Variants in ADAMTS3 observed in about 807,000 individuals in gnomAD.
The protein encoded by ADAMTS3 is A disintegrin and metalloproteinase with thrombospondin motifs 3.
In ADAMTS3, 73 loss-of-function variants were observed where a neutral mutation model predicts 129.0. The ratio of observed to expected loss-of-function variants is 0.57; its 90% confidence interval spans 0.47 to 0.69. The LOEUF is 0.69. Ranked by LOEUF, ADAMTS3 falls within the 30% of genes least tolerant of loss-of-function variation. ADAMTS3 has a pLI of 0.00. For synonymous variants in ADAMTS3, 477 were observed against 510.8 expected, an observed-to-expected ratio of 0.93 and a Z score of 0.89; for missense variants, 1,457 against 1,514.5, an observed-to-expected ratio of 0.96 and a Z score of 0.63.
Position 72,550,096 on chromosome 4 carries a change from A to G in ADAMTS3, c.98-1212T>C, listed in dbSNP as rs1339502158. ...AAGAGGAAGAGGAAGAAGAAGAAGA[A>G]GAAGAAGAAGAAGAAGAAGAAGGCA... is the stretch of plus-strand genomic sequence containing the variant. On this transcript the variant is annotated intron_variant, in intron 2 of 21. Coordinates refer to ENST00000286657, the MANE Select transcript of ADAMTS3 (RefSeq NM_014243.3). Among the ~76,000 whole-genome samples the G allele has an allele frequency of 9.8e-5, 13 of 133,002 alleles. 3 individuals carry two copies. The highest frequency in any genetic ancestry group is 2.7e-4 in the South Asian group (1 of 3,688). The allele number at this position is 133,002 out of a possible 152,430, so 87.3% of individuals were successfully genotyped here.
intron 3 of ADAMTS3, among the ~76,000 whole-genome samples, chr4:72,482,124 T>A (rs1719453144): frequency 6.6e-6 from 1 of 151,976 alleles, no homozygotes; most frequent in African/African-American, 2.4e-5. Context: ...CACTCAATTA[T>A]CATACAATCC....
intron 3 of ADAMTS3, among the ~76,000 whole-genome samples, chr4:72,419,910 G>T (rs549022945): frequency 2.0e-3 from 306 of 152,212 alleles, no homozygotes; most frequent in Non-Finnish European, 3.4e-3. Context: ...ATGTTGATCG[G>T]ATGGACTAGA....
chr4:72,434,009 C>T (rs958406758), intron 3 of ADAMTS3, among the ~76,000 whole-genome samples: 1 of 151,644 alleles, frequency 6.6e-6, no homozygotes, highest in Admixed American at 6.6e-5. Flanking sequence ...AGTAGCTGAC[C>T]AATAGCTGGT....
At chr4:72,323,252 T>C (rs1719611699) in intron 5 of ADAMTS3, 155 bp from the exon 6 acceptor site, 1 of 634,064 alleles carries the variant, frequency 1.6e-6, no homozygotes, top group Non-Finnish European at 2.8e-6. Context: ...TCATTTACTT[T>C]TAGCTTTGGT....
At chr4:72,463,548 C>G (rs1718831034) in intron 3 of ADAMTS3, among the ~76,000 whole-genome samples, 4 of 151,916 alleles carry the variant, frequency 2.6e-5, no homozygotes, top group Admixed American at 2.6e-4. Flanking sequence ...CTTTCCACAG[C>G]TCCTCCAATT....
intron 4 of ADAMTS3, among the ~76,000 whole-genome samples, chr4:72,353,487 C>G (rs2109846931): frequency 6.6e-6 from 1 of 152,062 alleles, no homozygotes; most frequent in Non-Finnish European, 1.5e-5. Context: ...GGTGCAGTTT[C>G]AGTTGTAGCT....
At chr4:72,307,518 T>G (rs942323720) in intron 15 of ADAMTS3, among the ~76,000 whole-genome samples, 2 of 152,052 alleles carry the variant, frequency 1.3e-5, no homozygotes, top group African/African-American at 4.8e-5. Flanking sequence ...ATGTCTTTAA[T>G]TAGTGGAGGG....
chr4:72,395,776 T>A (rs1158201404), intron 4 of ADAMTS3, among the ~76,000 whole-genome samples: 2 of 152,098 alleles, frequency 1.3e-5, no homozygotes, highest in African/African-American at 2.4e-5. Flanking sequence ...ATACATAGGA[T>A]GCATGTTCCA....
At chr4:72,556,064 T>C (rs1314918758) in intron 2 of ADAMTS3, among the ~76,000 whole-genome samples, 2 of 151,836 alleles carry the variant, frequency 1.3e-5, no homozygotes, top group East Asian at 3.9e-4. Context: ...CCGCAATTAC[T>C]TTTGCACCAA....
At chr4:72,438,841 A>G (rs993563445) in intron 3 of ADAMTS3, among the ~76,000 whole-genome samples, 2 of 151,682 alleles carry the variant, frequency 1.3e-5, no homozygotes, top group African/African-American at 4.8e-5. Context: ...TCTGCACTAC[A>G]TTTTGAGAAC....
chr4:72,320,274 G>A (rs980965364), intron 7 of ADAMTS3, among the ~76,000 whole-genome samples: 2 of 152,158 alleles, frequency 1.3e-5, no homozygotes, highest in Admixed American at 1.3e-4. Context: ...TGGTACTGAT[G>A]AAGGAAGCCA....
At chr4:72,445,964 T>C (rs1718242359) in intron 3 of ADAMTS3, among the ~76,000 whole-genome samples, 2 of 151,726 alleles carry the variant, frequency 1.3e-5, no homozygotes, top group Non-Finnish European at 3.0e-5. Context: ...GTAGCCAGGA[T>C]GCTTTGAGCT....
intron 1 of ADAMTS3, 66 bp downstream of exon 1, chr4:72,568,628 G>A: frequency 1.6e-6 from 2 of 1,243,132 alleles, no homozygotes; most frequent in African/African-American, 1.5e-5. Context: ...AGGGTAGAGA[G>A]GGGAGGAACT....
At chr4:72,469,621 T>C (rs1304948430) in intron 3 of ADAMTS3, among the ~76,000 whole-genome samples, 3 of 152,100 alleles carry the variant, frequency 2.0e-5, no homozygotes, top group African/African-American at 7.2e-5. Flanking sequence ...CAGGTGACTC[T>C]TGAACAACAC....
chr4:72,497,913 A>C (rs1244050045), intron 3 of ADAMTS3, among the ~76,000 whole-genome samples: 1 of 152,074 alleles, frequency 6.6e-6, no homozygotes, highest in Non-Finnish European at 1.5e-5. Context: ...ACTTTTTCTC[A>C]GCTCAGTTAA....
chr4:72,467,087 C>T (rs1330422958), intron 3 of ADAMTS3, among the ~76,000 whole-genome samples: 3 of 151,974 alleles, frequency 2.0e-5, no homozygotes. Context: ...AGCTAAAAAT[C>T]ACTGCAAAAA....
In ADAMTS3 at chr4:72,492,590, G is replaced by T. The variant is rs1037970700; in HGVS notation, c.504+55888C>A. 2.6e-5 allele frequency among the ~76,000 whole-genome samples: 4 copies of T among 151,848 alleles called. No individual in the cohort carries two copies. The South Asian group carries it at 8.3e-4, about 32-fold the overall frequency. On this transcript the variant is annotated intron_variant, in intron 3 of 21. Coordinates refer to ENST00000286657, the MANE Select transcript of ADAMTS3 (RefSeq NM_014243.3). ...GAAAAAGTGATTTTTATTTTGGAAT[G>T]ATTTTTATTTTCTTAAATTTGTTGA...
At chr4:72,347,328 G>A (rs914230702) in intron 4 of ADAMTS3, among the ~76,000 whole-genome samples, 8 of 147,894 alleles carry the variant, frequency 5.4e-5, no homozygotes, top group Non-Finnish European at 1.2e-4. Context: ...GTAAGTTCCC[G>A]ACAGGCAGGT....
chr4:72,397,124 A>G (rs1384708903), intron 4 of ADAMTS3, among the ~76,000 whole-genome samples: 1 of 152,160 alleles, frequency 6.6e-6, no homozygotes, highest in Non-Finnish European at 1.5e-5. Context: ...ATACTCCAAG[A>G]GTGTATTCTG....
Sources: allele counts gnomAD v4.1 joint callset (sites outside exome capture counted in the v4.1 genomes callset), GRCh38; gene constraint gnomAD v4.1.1; transcripts MANE v1.5; gene names NCBI Gene and HGNC (gene_info 2026-07-23, HGNC 2026-07-21).